Variants in EBLN2 observed in about 807,000 individuals in gnomAD.
EBLN2 encodes the protein endogenous Bornavirus-like nucleoprotein 2.
For missense variants in EBLN2, 397 were observed against 324.2 expected (o/e 1.22, Z -1.72); for synonymous variants, 131 against 113.6 (o/e 1.15, Z -0.97).
In EBLN2 at chr3:73,062,291, C is replaced by T. The variant is rs35743833; in HGVS notation, c.210C>T (p.Leu70=). The part of the protein sequence containing the change: ...PGDDAMDRSG[L]PDLQGRFELS... Reference sequence around the variant, plus strand: ...ATGACGCAATGGACAGGAGTGGGCTCCCTGACCTTCAAGGAAGATTTGAGC... The same window carrying T: ...ATGACGCAATGGACAGGAGTGGGCTTCCTGACCTTCAAGGAAGATTTGAGC... The change falls in exon 1 of 1, where the codon CTC becomes CTT. Residue 70 remains leucine (L), a synonymous_variant. Coordinates refer to ENST00000533473, the MANE Select transcript of EBLN2 (RefSeq NM_018029.4). The T allele has an allele frequency of 9.4e-4, 1,517 of 1,607,772 alleles. 13 individuals are homozygous for T. The African/African-American group carries it at 0.018, about 20-fold the overall frequency.
In EBLN2 at chr3:73,063,025, A is replaced by G. The variant is rs904053117; in HGVS notation, c.*125A>G. 4 of 931,932 alleles carry G rather than the reference A, an allele frequency of 4.3e-6. No individual in the cohort carries two copies. In the African/African-American group the frequency reaches 6.8e-5, roughly 16 times the overall value. 57.7% of individuals were successfully genotyped at this position (931,932 alleles called of 1,614,324 possible). A position where few individuals can be genotyped will look rare whatever the true frequency, so the allele number is the denominator to read the frequency against. On this transcript the variant is annotated 3_prime_UTR_variant, in exon 1 of 1. Coordinates refer to ENST00000533473, the MANE Select transcript of EBLN2 (RefSeq NM_018029.4). ...ATCCCAGTCTTTGAGGAGAAAAAAA[A>G]CAATGGTTAAAAAGGCATTGGGGAA...
rs745645634 is a variant in EBLN2, at chr3:73,062,229, C to T, written c.148C>T (p.His50Tyr). ...LSRNQFSTMSHLRKDSQPSSP... is the reference protein window; with the variant it reads ...LSRNQFSTMSYLRKDSQPSSP... ...TCGGAACCAATTTTCCACAATGTCT[C>T]ATCTAAGAAAGGACTCACAGCCCAG... is the stretch of plus-strand genomic sequence containing the variant. Residue 50 changes from histidine (H) to tyrosine (Y), a missense_variant, in exon 1 of 1, where the codon CAT becomes TAT. Transcript: ENST00000533473. 79 of 1,597,286 alleles carry T rather than the reference C, an allele frequency of 4.9e-5. No individual in the cohort carries two copies. The highest frequency in any genetic ancestry group is 6.7e-5 in the Non-Finnish European group (79 of 1,174,918).
chr3:73,061,938 A>G lies in EBLN2; in HGVS notation c.-144A>G, dbSNP rs1222395280. 2.3e-5 allele frequency: 14 copies of G among 614,456 alleles called. No individual in the cohort carries two copies. The highest frequency in any genetic ancestry group is 1.5e-4 in the South Asian group (7 of 46,646). 38.1% of individuals were successfully genotyped at this position (614,456 alleles called of 1,614,324 possible). Reference sequence around the variant, plus strand: ...TAAGATACTAAAATAATCCCATACTATATTTCTTGACAGAAAAACTATTAA... The same window carrying G: ...TAAGATACTAAAATAATCCCATACTGTATTTCTTGACAGAAAAACTATTAA... On this transcript the variant is annotated 5_prime_UTR_variant, in exon 1 of 1. Coordinates refer to ENST00000533473, the MANE Select transcript of EBLN2 (RefSeq NM_018029.4).
chr3:73,062,784 A>G lies in EBLN2; in HGVS notation c.703A>G (p.Asn235Asp). The change falls in exon 1 of 1, where the codon AAT becomes GAT. Residue 235 changes from asparagine (N) to aspartate (D), a missense_variant. Asn to Asp is a conservative substitution (Grantham distance 23). Coordinates refer to ENST00000533473, the MANE Select transcript of EBLN2 (RefSeq NM_018029.4). ...GESADLLISC[N>D]AESAIGWISS... Reference sequence around the variant, plus strand: ...GAGTGCTGATCTGCTAATCAGCTGCAATGCAGAATCAGCCATAGGTTGGAT... The same window carrying G: ...GAGTGCTGATCTGCTAATCAGCTGCGATGCAGAATCAGCCATAGGTTGGAT... 3 of 1,614,006 alleles carry G rather than the reference A, an allele frequency of 1.9e-6. No homozygotes were observed. Among genetic ancestry groups the G allele is most frequent in the Non-Finnish European group, 2.5e-6 (3 of 1,179,880 alleles).
rs904442107 is a variant in EBLN2, at chr3:73,062,161, G to T, written c.80G>T (p.Arg27Ile). 1.3e-6 allele frequency: 2 copies of T among 1,549,912 alleles called. No homozygotes were observed. Among genetic ancestry groups the T allele is most frequent in the Admixed American group, 4.3e-5 (2 of 46,878 alleles). The change falls in exon 1 of 1, where the codon AGA becomes ATA. Residue 27 changes from arginine to isoleucine, a missense_variant. Arg to Ile is a moderately conservative substitution (Grantham distance 97). Coordinates refer to ENST00000533473, the MANE Select transcript of EBLN2 (RefSeq NM_018029.4). ...TGGGTCTGTGACAGATCTTACAAAAGATCTTTTAGACCTATGATTCTTAAC... is the reference window on the plus strand; with the variant it reads ...TGGGTCTGTGACAGATCTTACAAAATATCTTTTAGACCTATGATTCTTAAC... ...FVWVCDRSYK[R>I]SFRPMILNKI... is the part of the protein sequence containing the mutation.
At position 73,062,973 on chromosome 3, in the gene EBLN2, A is replaced by G; in HGVS notation, c.*73A>G. 7.7e-7 allele frequency: 1 copy of G among 1,306,452 alleles called. No individual in the cohort carries two copies. Among genetic ancestry groups the G allele is most frequent in the Admixed American group, 2.1e-5 (1 of 47,370 alleles). The allele number at this position is 1,306,452 out of a possible 1,614,324, so 80.9% of individuals were successfully genotyped here. On this transcript the variant is annotated 3_prime_UTR_variant, in exon 1 of 1. Transcript: ENST00000533473. ...TCTAGATCAGTGCATGGATGGCTCCATTGCTCTACGGGCCATTGTGTCTGA... is the reference window on the plus strand; with the variant it reads ...TCTAGATCAGTGCATGGATGGCTCCGTTGCTCTACGGGCCATTGTGTCTGA...
Position 73,062,324 on chromosome 3 carries a change from G to C in EBLN2, c.243G>C (p.Gly81=), listed in dbSNP as rs1265167527. 6.2e-7 allele frequency: 1 copy of C among 1,603,914 alleles called. No individual in the cohort carries two copies. The highest frequency in any genetic ancestry group is 1.4e-5 in the African/African-American group (1 of 73,698). Residue 81 remains glycine (G), a synonymous_variant, in exon 1 of 1, where the codon GGG becomes GGC. Coordinates refer to ENST00000533473, the MANE Select transcript of EBLN2 (RefSeq NM_018029.4). ...TTCAAGGAAGATTTGAGCTATCTGGGAAAAACAGACAGTATCCACTGGATG... is the reference window on the plus strand; with the variant it reads ...TTCAAGGAAGATTTGAGCTATCTGGCAAAAACAGACAGTATCCACTGGATG... The part of the protein sequence containing the change: ...PDLQGRFELS[G]KNRQYPLDAL...
Position 73,062,126 on chromosome 3 carries a change from T to C in EBLN2, c.45T>C (p.Ser15=), listed in dbSNP as rs1363501797. ...TGTATGCTTATGTTAATTCTCACAGTCTTTTTGTTTGGGTCTGTGACAGAT... is the reference window on the plus strand; with the variant it reads ...TGTATGCTTATGTTAATTCTCACAGCCTTTTTGTTTGGGTCTGTGACAGAT... The part of the protein sequence containing the change: ...LKLYAYVNSH[S]LFVWVCDRSY... Residue 15 remains serine (S), a synonymous_variant, in exon 1 of 1, where the codon AGT becomes AGC. Coordinates refer to ENST00000533473, the MANE Select transcript of EBLN2 (RefSeq NM_018029.4). The C allele has an allele frequency of 2.6e-6, 4 of 1,548,576 alleles. No individual in the cohort carries two copies. In the East Asian group the frequency reaches 9.6e-5, roughly 37 times the overall value.
Position 73,062,982 on chromosome 3 carries a change from C to A in EBLN2, c.*82C>A. ...GTGCATGGATGGCTCCATTGCTCTA[C>A]GGGCCATTGTGTCTGAGATCCCAGT... On this transcript the variant is annotated 3_prime_UTR_variant, in exon 1 of 1. Coordinates refer to ENST00000533473, the MANE Select transcript of EBLN2 (RefSeq NM_018029.4). 1 of 1,193,908 alleles carries A rather than the reference C, an allele frequency of 8.4e-7. No homozygotes were observed. The highest frequency in any genetic ancestry group is 1.2e-6 in the Non-Finnish European group (1 of 831,100). 74.0% of individuals were successfully genotyped at this position (1,193,908 alleles called of 1,614,324 possible). A position where few individuals can be genotyped will look rare whatever the true frequency, so the allele number is the denominator to read the frequency against.
rs775390979 is a variant in EBLN2 at position 73,062,480 on chromosome 3, T to A, written c.399T>A (p.Phe133Leu). Residue 133 changes from phenylalanine (F) to leucine (L), a missense_variant, in exon 1 of 1, where the codon TTT becomes TTA. Transcript: ENST00000533473. ...TPSLVFLCFI[F>L]DGLHQALLSV... is the part of the protein sequence containing the mutation. The stretch of plus-strand genomic sequence containing the variant: ...GTTTAGTATTCTTGTGTTTCATATT[T>A]GATGGGTTACACCAGGCATTACTGA... The A allele has an allele frequency of 1.8e-5, 29 of 1,613,236 alleles. No homozygotes were observed. The South Asian group carries it at 2.9e-4, about 16-fold the overall frequency.
Position 73,062,137 on chromosome 3 carries a change from G to T in EBLN2, c.56G>T (p.Trp19Leu). ...AYVNSHSLFV[W>L]VCDRSYKRSF... Reference sequence around the variant, plus strand: ...GTTAATTCTCACAGTCTTTTTGTTTGGGTCTGTGACAGATCTTACAAAAGA... The same window carrying T: ...GTTAATTCTCACAGTCTTTTTGTTTTGGTCTGTGACAGATCTTACAAAAGA... Residue 19 changes from tryptophan (W) to leucine (L), a missense_variant, in exon 1 of 1, where the codon TGG (tryptophan) becomes TTG (leucine). Physicochemically the swap from Trp to Leu is moderately conservative, Grantham distance 61. Coordinates refer to ENST00000533473, the MANE Select transcript of EBLN2 (RefSeq NM_018029.4). 1 of 1,548,130 alleles carries T rather than the reference G, an allele frequency of 6.5e-7. No homozygotes were observed. Among genetic ancestry groups the T allele is most frequent in the Admixed American group, 2.1e-5 (1 of 48,414 alleles).
rs1245151984 is a variant in EBLN2 at position 73,062,666 on chromosome 3, T to C, written c.585T>C (p.Ala195=). The C allele has an allele frequency of 6.2e-7, 1 of 1,613,974 alleles. No individual in the cohort carries two copies. Among genetic ancestry groups the C allele is most frequent in the Non-Finnish European group, 8.5e-7 (1 of 1,179,890 alleles). The change falls in exon 1 of 1, where the codon GCT becomes GCC. Residue 195 remains alanine (A), a synonymous_variant. Transcript: ENST00000533473. ...GTGACCTTTTGATAGGCATTGCGGC[T>C]GGATCAAGTGATAAGATTTGCACCA... The part of the protein sequence containing the change: ...HCCDLLIGIA[A]GSSDKICTSS...
rs759695216 is a variant in EBLN2 at position 73,062,835 on chromosome 3, T to C, written c.754T>C (p.Leu252=). 37 of 1,613,914 alleles carry C rather than the reference T, an allele frequency of 2.3e-5. No homozygotes were observed. Among genetic ancestry groups the C allele is most frequent in the Non-Finnish European group, 3.1e-5 (36 of 1,179,856 alleles). The part of the protein sequence containing the change: ...WISSRPWVGE[L]MFTLLFGDFE... ...CAGCTCAAGACCATGGGTTGGAGAATTAATGTTCACACTTCTATTTGGAGA... is the reference window on the plus strand; with the variant it reads ...CAGCTCAAGACCATGGGTTGGAGAACTAATGTTCACACTTCTATTTGGAGA... Residue 252 remains leucine, a synonymous_variant, in exon 1 of 1, where the codon TTA becomes CTA. Transcript: ENST00000533473.
chr3:73,062,540 T>G lies in EBLN2; in HGVS notation c.459T>G (p.Val153=), dbSNP rs1702886675. The part of the protein sequence containing the change: ...VGVSKRSNTV[V]GNENEERGTP... Reference sequence around the variant, plus strand: ...TGAGCAAGAGGTCTAATACTGTGGTTGGGAATGAGAACGAGGAAAGGGGTA... The same window carrying G: ...TGAGCAAGAGGTCTAATACTGTGGTGGGGAATGAGAACGAGGAAAGGGGTA... The change falls in exon 1 of 1, where the codon GTT becomes GTG. Residue 153 remains valine (V), a synonymous_variant. Coordinates refer to ENST00000533473, the MANE Select transcript of EBLN2 (RefSeq NM_018029.4). The G allele has an allele frequency of 1.9e-6, 3 of 1,613,970 alleles. No homozygotes were observed. Among genetic ancestry groups the G allele is most frequent in the Non-Finnish European group, 2.5e-6 (3 of 1,179,884 alleles).
In EBLN2 at chr3:73,062,505, A is replaced by T. The variant is rs1702885975; in HGVS notation, c.424A>T (p.Ser142Cys). ...IFDGLHQALL[S>C]VGVSKRSNTV... The stretch of plus-strand genomic sequence containing the variant: ...TGATGGGTTACACCAGGCATTACTG[A>T]GTGTTGGTGTGAGCAAGAGGTCTAA... Residue 142 changes from serine to cysteine, a missense_variant, in exon 1 of 1, where the codon AGT (serine) becomes TGT (cysteine). Transcript: ENST00000533473. 6.2e-7 allele frequency: 1 copy of T among 1,613,576 alleles called. No homozygotes were observed. Among genetic ancestry groups the T allele is most frequent in the Admixed American group, 1.7e-5 (1 of 59,936 alleles).
chr3:73,062,832 G>C lies in EBLN2; in HGVS notation c.751G>C (p.Glu251Gln), dbSNP rs1400078933. ...GATCAGCTCAAGACCATGGGTTGGA[G>C]AATTAATGTTCACACTTCTATTTGG... ...GWISSRPWVG[E>Q]LMFTLLFGDF... Residue 251 changes from glutamate (E) to glutamine (Q), a missense_variant, in exon 1 of 1, where the codon GAA (glutamate) becomes CAA (glutamine). Glu to Gln is a conservative substitution (Grantham distance 29, BLOSUM62 2). Coordinates refer to ENST00000533473, the MANE Select transcript of EBLN2 (RefSeq NM_018029.4). The C allele has an allele frequency of 1.9e-6, 3 of 1,613,756 alleles. No individual in the cohort carries two copies. The highest frequency in any genetic ancestry group is 2.5e-6 in the Non-Finnish European group (3 of 1,179,850).
At position 73,062,652 on chromosome 3, in the gene EBLN2, A is replaced by T. The variant is rs1218080251; in HGVS notation, c.571A>T (p.Ile191Leu). The change falls in exon 1 of 1, where the codon ATA becomes TTA. Residue 191 changes from isoleucine (I) to leucine (L), a missense_variant. Physicochemically the swap from Ile to Leu is conservative, Grantham distance 5. Transcript: ENST00000533473. ...TCTCCGCCACTGCTGTGACCTTTTG[A>T]TAGGCATTGCGGCTGGATCAAGTGA... Reference protein sequence around the residue: ...SVLRHCCDLLIGIAAGSSDKI... With the variant: ...SVLRHCCDLLLGIAAGSSDKI... 1.2e-6 allele frequency: 2 copies of T among 1,613,962 alleles called. No individual in the cohort carries two copies. Among genetic ancestry groups the T allele is most frequent in the Admixed American group, 3.3e-5 (2 of 60,018 alleles).
At position 73,061,936 on chromosome 3, in the gene EBLN2, C is replaced by A. The variant is rs1158019966; in HGVS notation, c.-146C>A. Reference sequence around the variant, plus strand: ...AATAAGATACTAAAATAATCCCATACTATATTTCTTGACAGAAAAACTATT... The same window carrying A: ...AATAAGATACTAAAATAATCCCATAATATATTTCTTGACAGAAAAACTATT... On this transcript the variant is annotated 5_prime_UTR_variant, in exon 1 of 1. Coordinates refer to ENST00000533473, the MANE Select transcript of EBLN2 (RefSeq NM_018029.4). The A allele has an allele frequency of 3.3e-6, 2 of 610,732 alleles. No homozygotes were observed. Among genetic ancestry groups the A allele is most frequent in the Non-Finnish European group, 5.7e-6 (2 of 348,346 alleles). The allele number at this position is 610,732 out of a possible 1,614,324, so 37.8% of individuals were successfully genotyped here.
In EBLN2 at chr3:73,063,006, G is replaced by A; in HGVS notation, c.*106G>A. 3.9e-6 allele frequency: 4 copies of A among 1,021,918 alleles called. No individual in the cohort carries two copies. Among genetic ancestry groups the A allele is most frequent in the Middle Eastern group, 2.1e-4 (1 of 4,754 alleles). 63.3% of individuals were successfully genotyped at this position (1,021,918 alleles called of 1,614,324 possible). On this transcript the variant is annotated 3_prime_UTR_variant, in exon 1 of 1. Transcript: ENST00000533473. ...ACGGGCCATTGTGTCTGAGATCCCA[G>A]TCTTTGAGGAGAAAAAAAACAATGG...
Sources: allele counts gnomAD v4.1 joint callset, GRCh38; gene constraint gnomAD v4.1.1; transcripts MANE v1.5; gene names NCBI Gene and HGNC (gene_info 2026-07-23, HGNC 2026-07-21).